The following LRRC39 variants were observed in gnomAD, a reference collection of about 807,000 sequenced individuals.
LRRC39 encodes leucine rich repeat containing 39, also known as leucine-rich repeat-containing protein 39.
A neutral mutation model predicts 39.7 loss-of-function variants in LRRC39; 35 were observed. That is an observed-to-expected ratio of 0.88 (90% CI 0.67 to 1.17). The LOEUF is 1.17. Among genes scored for constraint, LRRC39 ranks in the 50% most tolerant of loss-of-function variants. The pLI is 0.00. For synonymous variants in LRRC39, 113 were observed against 134.1 expected (o/e 0.84, Z 1.09); for missense variants, 357 against 385.8 (o/e 0.93, Z 0.62).
At chr1:100,173,737 A>C (rs1660855239) in intron 1 of LRRC39, among the ~76,000 whole-genome samples, 1 of 152,200 alleles carries the variant, frequency 6.6e-6, no homozygotes, top group South Asian at 2.1e-4. Context: ...TTTACAACTA[A>C]ATATATAGAA....
At chr1:100,153,908 A>T (rs1367515862) in intron 8 of LRRC39, among the ~76,000 whole-genome samples, 3 of 151,598 alleles carry the variant, frequency 2.0e-5, no homozygotes, top group Admixed American at 2.0e-4. Context: ...ATGCACCACC[A>T]CTCCCGACTA....
chr1:100,155,264 T>G, intron 7 of LRRC39, 61 bp from the exon 8 acceptor site: 1 of 1,394,188 alleles, frequency 7.2e-7, no homozygotes, highest in Non-Finnish European at 9.5e-7. Flanking sequence ...GTTTTGGAGT[T>G]TTAACAAATA....
chr1:100,168,036 G>T (rs551043084), intron 3 of LRRC39, among the ~76,000 whole-genome samples: 25 of 151,882 alleles, frequency 1.6e-4, no homozygotes, highest in Non-Finnish European at 3.2e-4. Context: ...AGAACACATG[G>T]CTATTCAAAT....
chr1:100,155,316 C>T (rs1232426822), intron 7 of LRRC39, 113 bp from the exon 8 acceptor site: 5 of 957,028 alleles, frequency 5.2e-6, no homozygotes, highest in Admixed American at 3.6e-5. Flanking sequence ...CCAGGATGGT[C>T]TCAAACTCCT....
At chr1:100,172,541 G>T (rs1053611670) in intron 2 of LRRC39, among the ~76,000 whole-genome samples, 1 of 151,550 alleles carries the variant, frequency 6.6e-6, no homozygotes, top group Admixed American at 6.6e-5. Context: ...ATACAAAAAA[G>T]GCCAGGCGTG....
intron 8 of LRRC39, 93 bp from the exon 9 acceptor site, chr1:100,152,617 T>C: frequency 7.5e-7 from 1 of 1,328,518 alleles, no homozygotes; most frequent in Non-Finnish European, 1.0e-6. Context: ...TATACTAAAT[T>C]ACTCGTTTTT....
In LRRC39 at chr1:100,177,286, A is replaced by G. The variant is rs142062649; in HGVS notation, c.-119+849T>C. The stretch of plus-strand genomic sequence containing the variant: ...AGGACTGGTGATAGAGAGGAATCGG[A>G]TAGATAATATTGCTTTTCATTATTA... On this transcript the variant is annotated intron_variant, in intron 1 of 9. Coordinates refer to ENST00000370137, the MANE Select transcript of LRRC39 (RefSeq NM_144620.4). Among the ~76,000 whole-genome samples, 417 of 152,352 alleles carry G rather than the reference A, an allele frequency of 2.7e-3. 1 individual carries two copies. Among genetic ancestry groups the G allele is most frequent in the Non-Finnish European group, 5.1e-3 (348 of 68,026 alleles).
Position 100,149,096 on chromosome 1 carries a change from A to T in LRRC39, c.954T>A (p.Asp318Glu), listed in dbSNP as rs1415995708. The change falls in exon 10 of 10, where the codon GAT becomes GAA. Residue 318 changes from aspartate (D) to glutamate (E), a missense_variant and splice_region_variant. Physicochemically the swap from Asp to Glu is conservative, Grantham distance 45. Transcript: ENST00000370137. ...TYIQESRRRA[D>E]HQVNGSTTLP... ...AAGTAGTTGAACCGTTGACTTGGTG[A>T]TCTGAAACATACATAACATGTCAAC... 2.5e-6 allele frequency: 4 copies of T among 1,601,362 alleles called. No individual in the cohort carries two copies. The highest frequency in any genetic ancestry group is 3.4e-6 in the Non-Finnish European group (4 of 1,175,904).
chr1:100,156,071 T>C (rs2101769563), intron 7 of LRRC39, 101 bp downstream of exon 7: 1 of 1,098,902 alleles, frequency 9.1e-7, no homozygotes. Flanking sequence ...GTTGGACCTA[T>C]TGTGATTGAT....
At chr1:100,155,248 A>C in intron 7 of LRRC39, 45 bp from the exon 8 acceptor site, 1 of 1,471,596 alleles carries the variant, frequency 6.8e-7, no homozygotes, top group Non-Finnish European at 9.1e-7. Context: ...TAATATGAAA[A>C]TATTGGTTTT....
rs201723295 is a variant in LRRC39 at position 100,159,405 on chromosome 1, G to T, written c.230C>A (p.Ser77Tyr). The T allele has an allele frequency of 1.1e-5, 17 of 1,606,132 alleles. No homozygotes were observed. Among genetic ancestry groups the T allele is most frequent in the Non-Finnish European group, 1.4e-5 (17 of 1,176,532 alleles). Residue 77 changes from serine (S) to tyrosine (Y), a missense_variant, in exon 5 of 10, where the codon TCT becomes TAT. By Grantham distance (144) the Ser-to-Tyr change is moderately radical. Transcript: ENST00000370137. ...IEKEEWKTLP[S>Y]SLLKLNQLQE... ...TAGTTGATTCAGTTTCAGCAGAGAA[G>T]AAGGGAGGGTCTACAGTAAAAGAAA...
rs1421539887 is a variant in LRRC39, at chr1:100,149,347, A to G, written c.953-250T>C. On this transcript the variant is annotated intron_variant, in intron 9 of 9. Transcript: ENST00000370137. ...AGAGATATTCACAATTAATAAACAC[A>G]ATTAATTAATGAAGTCACCTTCAAA... 3 of 1,542,668 alleles carry G rather than the reference A, an allele frequency of 1.9e-6. No individual in the cohort carries two copies. In the Admixed American group the frequency reaches 6.1e-5, roughly 31 times the overall value.
rs561592859 is a variant in LRRC39, at chr1:100,149,229, C to G, written c.953-132G>C. The stretch of plus-strand genomic sequence containing the variant: ...TTCAAGAGGTAGTGATTGATTGTAA[C>G]AAGGGCCAATCTGAGAATTTGACTT... On this transcript the variant is annotated intron_variant, in intron 9 of 9. Coordinates refer to ENST00000370137, the MANE Select transcript of LRRC39 (RefSeq NM_144620.4). 5.4e-6 allele frequency: 8 copies of G among 1,494,480 alleles called. No individual in the cohort carries two copies. The East Asian group carries it at 1.8e-4, about 34-fold the overall frequency. 92.6% of individuals were successfully genotyped at this position (1,494,480 alleles called of 1,614,324 possible).
At chr1:100,153,198 A>G (rs900132950) in intron 8 of LRRC39, among the ~76,000 whole-genome samples, 8 of 152,212 alleles carry the variant, frequency 5.3e-5, no homozygotes, top group Admixed American at 4.6e-4. Flanking sequence ...GAACAAGTGA[A>G]TAAATGAATT....
chr1:100,158,603 A>AT (rs1197109793), intron 5 of LRRC39, among the ~76,000 whole-genome samples: 1 of 151,970 alleles, frequency 6.6e-6, no homozygotes, highest in Non-Finnish European at 1.5e-5. Flanking sequence ...CGCCCAGGTA[A>AT]TTTTTTGTAT....
At chr1:100,178,744 A>G (rs566628564), upstream of LRRC39, among the ~76,000 whole-genome samples, 4 of 152,314 alleles carry the variant, frequency 2.6e-5, no homozygotes, top group South Asian at 8.3e-4. Flanking sequence ...GGTTCTTAAA[A>G]AATAAACTAT....
intron 1 of LRRC39, among the ~76,000 whole-genome samples, chr1:100,173,910 T>C (rs1659795815): frequency 6.6e-6 from 1 of 152,116 alleles, no homozygotes; most frequent in South Asian, 2.1e-4. Flanking sequence ...TACAGAAAAC[T>C]AAAAATTAGA....
chr1:100,163,595 TAAAAAAA>T (rs11455249), intron 3 of LRRC39, among the ~76,000 whole-genome samples: 10 of 132,336 alleles, frequency 7.6e-5, no homozygotes, highest in South Asian at 4.9e-4. Flanking sequence ...CAGCTTTTTC[TAAAAAAA>T]AAAAAAAAAA....
At chr1:100,155,845 A>C (rs7523126) in intron 7 of LRRC39, among the ~76,000 whole-genome samples, 2 of 152,192 alleles carry the variant, frequency 1.3e-5, no homozygotes, top group Non-Finnish European at 1.5e-5. Flanking sequence ...TGCTTGGCAT[A>C]TGCTAAGCAA....
Sources: allele counts gnomAD v4.1 joint callset (sites outside exome capture counted in the v4.1 genomes callset), GRCh38; gene constraint gnomAD v4.1.1; transcripts MANE v1.5; gene names NCBI Gene and HGNC (gene_info 2026-07-23, HGNC 2026-07-21).